Variants in SOX5 observed in about 807,000 individuals in gnomAD.
The protein encoded by SOX5 is transcription factor SOX-5.
Under a neutral mutation model 92.0 loss-of-function variants are expected in SOX5, and 9 were observed. That is an observed-to-expected ratio of 0.10 (90% CI 0.06 to 0.17). The LOEUF is 0.17. Among genes scored for constraint, SOX5 ranks in the 10% least tolerant of loss-of-function variants. The probability of loss-of-function intolerance (pLI) is 1.00; values close to 1 mark genes in which losing one functional copy is unlikely to be tolerated. For missense variants in SOX5, 642 were observed against 944.5 expected, an observed-to-expected ratio of 0.68 and a Z score of 4.20; for synonymous variants, 344 against 336.3, an observed-to-expected ratio of 1.02 and a Z score of -0.25.
intron 3 of SOX5, among the ~76,000 whole-genome samples, chr12:24,219,788 C>T (rs1350464396): frequency 4.6e-5 from 7 of 152,078 alleles, no homozygotes; most frequent in Admixed American, 4.6e-4. Context: ...TGAACAGAAA[C>T]CATCCAACCA....
chr12:24,314,317 G>T (rs2096430038), intron 2 of SOX5, among the ~76,000 whole-genome samples: 1 of 149,168 alleles, frequency 6.7e-6, no homozygotes, highest in Admixed American at 6.7e-5. Context: ...ACTCCATGGT[G>T]TATATGTGCC....
chr12:23,801,760 G>A (rs1466501612), intron 3 of SOX5, among the ~76,000 whole-genome samples: 4 of 151,926 alleles, frequency 2.6e-5, no homozygotes, highest in Admixed American at 2.0e-4. Flanking sequence ...CCAACCCTAC[G>A]GTTGACTTCA....
chr12:24,534,261 T>C (rs1010610898), intron 1 of SOX5, among the ~76,000 whole-genome samples: 3 of 138,418 alleles, frequency 2.2e-5, no homozygotes, highest in Non-Finnish European at 4.6e-5. Context: ...TTTTCTTTGC[T>C]TTTTTTTTTT....
chr12:23,931,789 G>C (rs1157111255), intron 1 of SOX5, among the ~76,000 whole-genome samples: 1 of 151,626 alleles, frequency 6.6e-6, no homozygotes, highest in Non-Finnish European at 1.5e-5. Flanking sequence ...AAGAACAAAT[G>C]TTGTAGTTCT....
chr12:23,721,149 G>T (rs900272100), intron 6 of SOX5, among the ~76,000 whole-genome samples: 1 of 151,954 alleles, frequency 6.6e-6, no homozygotes, highest in Non-Finnish European at 1.5e-5. Flanking sequence ...GCAATGGCAC[G>T]ATCTTGGCTG....
At chr12:23,884,192 ATGCCATTTTTATCAC>A (rs1245126853) in intron 2 of SOX5, among the ~76,000 whole-genome samples, 1 of 152,182 alleles carries the variant, frequency 6.6e-6, no homozygotes, top group African/African-American at 2.4e-5. Flanking sequence ...TCTAGGTTAG[ATGCCATTTTTATCAC>A]TGCCATTTTA....
intron 13 of SOX5, among the ~76,000 whole-genome samples, chr12:23,538,445 T>A (rs1236485786): frequency 6.6e-6 from 1 of 152,232 alleles, no homozygotes; most frequent in Non-Finnish European, 1.5e-5. Flanking sequence ...TTAAATAGCA[T>A]CATCCAACAT....
At position 23,972,723 on chromosome 12, in the gene SOX5, C is replaced by G. The variant is rs543575042; in HGVS notation, c.-1-76699G>C. On this transcript the variant is annotated intron_variant, in intron 4 of 4. Transcript: ENST00000446891. ...ATTGACAATGTACATATTTATGGGG[C>G]ACAGTGTGATGTTTTGCTCTATGTG... is the stretch of plus-strand genomic sequence containing the variant. Among the ~76,000 whole-genome samples, 206 of 152,018 alleles carry G rather than the reference C, an allele frequency of 1.4e-3. 1 individual carries two copies. Among genetic ancestry groups the G allele is most frequent in the Middle Eastern group, 0.01 (3 of 294 alleles).
At chr12:23,724,123 C>T (rs752574516) in intron 6 of SOX5, among the ~76,000 whole-genome samples, 1 of 152,088 alleles carries the variant, frequency 6.6e-6, no homozygotes, top group Non-Finnish European at 1.5e-5. Flanking sequence ...ATTTGCCAAC[C>T]TGATAGATTT....
At chr12:23,943,496 A>G (rs148994591) in intron 1 of SOX5, among the ~76,000 whole-genome samples, 1,537 of 152,204 alleles carry the variant, frequency 0.01, 20 homozygotes, top group African/African-American at 0.035. Flanking sequence ...CTCATATTGC[A>G]TGATCATCAG....
intron 2 of SOX5, among the ~76,000 whole-genome samples, chr12:24,288,712 T>C (rs1022141788): frequency 9.3e-5 from 14 of 150,446 alleles, no homozygotes; most frequent in African/African-American, 2.9e-4. Flanking sequence ...TTTCTGTGTA[T>C]AGCACACATT....
intron 4 of SOX5, among the ~76,000 whole-genome samples, chr12:24,101,489 C>A (rs929400158): frequency 2.0e-5 from 3 of 152,118 alleles, no homozygotes; most frequent in Admixed American, 1.3e-4. Context: ...TGTCTACTTG[C>A]CCCAGTAGAA....
In SOX5 at chr12:23,684,885, T is replaced by C. The variant is rs2087243576; in HGVS notation, c.811-19321A>G. On this transcript the variant is annotated intron_variant, in intron 6 of 14. Transcript: ENST00000451604. Reference sequence around the variant, plus strand: ...ATTTACCATAAGCATGGCTGCTAAATGTTCTTTTTGCATTGTTATTTTAAT... The same window carrying C: ...ATTTACCATAAGCATGGCTGCTAAACGTTCTTTTTGCATTGTTATTTTAAT... 2.0e-5 allele frequency among the ~76,000 whole-genome samples: 3 copies of C among 152,158 alleles called. No individual in the cohort carries two copies. The South Asian group carries it at 6.2e-4, about 31-fold the overall frequency.
intron 6 of SOX5, among the ~76,000 whole-genome samples, chr12:23,723,141 T>C (rs1390315057): frequency 6.6e-6 from 1 of 152,100 alleles, no homozygotes; most frequent in Non-Finnish European, 1.5e-5. Flanking sequence ...TGCCATAATA[T>C]ATTATACTAA....
At chr12:24,471,648 T>C (rs941206162) in intron 1 of SOX5, among the ~76,000 whole-genome samples, 1 of 152,190 alleles carries the variant, frequency 6.6e-6, no homozygotes, top group Non-Finnish European at 1.5e-5. Context: ...AAGATGTTTC[T>C]AAAGGTCTGG....
At chr12:24,344,863 T>C (rs546324511) in intron 2 of SOX5, among the ~76,000 whole-genome samples, 17 of 152,250 alleles carry the variant, frequency 1.1e-4, no homozygotes, top group South Asian at 2.1e-4. Flanking sequence ...TGTACTCTTA[T>C]CAGCAAATGG....
chr12:23,690,263 T>C (rs1394599214), intron 6 of SOX5, among the ~76,000 whole-genome samples: 1 of 152,212 alleles, frequency 6.6e-6, no homozygotes, highest in Non-Finnish European at 1.5e-5. Flanking sequence ...TATCACAGAA[T>C]ATAGAATAAA....
intron 2 of SOX5, among the ~76,000 whole-genome samples, chr12:23,865,482 T>A (rs1419858513): frequency 6.6e-6 from 1 of 152,086 alleles, no homozygotes; most frequent in Non-Finnish European, 1.5e-5. Flanking sequence ...AAGACCACCT[T>A]GGCTAACATG....
chr12:24,294,872 G>A (rs905420031), intron 2 of SOX5, among the ~76,000 whole-genome samples: 4 of 152,320 alleles, frequency 2.6e-5, no homozygotes, highest in African/African-American at 9.6e-5. Flanking sequence ...TCTTGGTTCT[G>A]CAATTGGCCT....
Sources: allele counts gnomAD v4.1 joint callset (sites outside exome capture counted in the v4.1 genomes callset), GRCh38; gene constraint gnomAD v4.1.1; transcripts MANE v1.5; gene names NCBI Gene and HGNC (gene_info 2026-07-23, HGNC 2026-07-21).